Variants in NUBPL observed in about 807,000 individuals in gnomAD.
NUBPL encodes iron-sulfur cluster transfer protein NUBPL.
Under a neutral mutation model 45.7 loss-of-function variants are expected in NUBPL, and 31 were observed. The ratio of observed to expected loss-of-function variants is 0.68; its 90% CI spans 0.51 to 0.92. The LOEUF (loss-of-function observed/expected upper bound fraction) is 0.92. NUBPL is among the 40% of genes least tolerant of loss of function. NUBPL has a pLI of 0.00. For missense variants in NUBPL, 401 were observed against 398.7 expected (o/e 1.01, Z -0.05); for synonymous variants, 144 against 140.9 (o/e 1.02, Z -0.15).
chr14:31,836,702 G>A (rs549032811), intron 8 of NUBPL, among the ~76,000 whole-genome samples: 8 of 152,180 alleles, frequency 5.3e-5, no homozygotes, highest in Non-Finnish European at 1.2e-4. Flanking sequence ...TAATACCCAA[G>A]GCTTTCTTTT....
intron 9 of NUBPL, 49 bp from the exon 10 acceptor site, chr14:31,850,070 C>A: frequency 7.4e-7 from 1 of 1,349,960 alleles, no homozygotes; most frequent in Non-Finnish European, 1.1e-6. Context: ...ATTCAAAATG[C>A]CTATATGAAC....
At chr14:31,586,340 T>C (rs572411320) in intron 3 of NUBPL, among the ~76,000 whole-genome samples, 1 of 152,280 alleles carries the variant, frequency 6.6e-6, no homozygotes, top group Admixed American at 6.5e-5. Flanking sequence ...GAGAAATTAA[T>C]TCCAGTCGTT....
At chr14:31,777,485 C>A (rs2039117217) in intron 6 of NUBPL, among the ~76,000 whole-genome samples, 1 of 152,192 alleles carries the variant, frequency 6.6e-6, no homozygotes, top group Non-Finnish European at 1.5e-5. Flanking sequence ...TGAGTCGGCA[C>A]AATCCTAGTG....
chr14:31,823,171 T>G (rs949500264), intron 7 of NUBPL, among the ~76,000 whole-genome samples: 1 of 152,014 alleles, frequency 6.6e-6, no homozygotes, highest in African/African-American at 2.4e-5. Context: ...GTTCAAGGAG[T>G]TGCCAACTTA....
chr14:31,640,237 G>C (rs771839865), intron 4 of NUBPL, among the ~76,000 whole-genome samples: 1 of 151,958 alleles, frequency 6.6e-6, no homozygotes, highest in Non-Finnish European at 1.5e-5. Context: ...GCTGCCCTCC[G>C]ACAAAATCAG....
At chr14:31,690,865 C>T (rs1222115269) in intron 6 of NUBPL, among the ~76,000 whole-genome samples, 1 of 152,158 alleles carries the variant, frequency 6.6e-6, no homozygotes, top group East Asian at 1.9e-4. Flanking sequence ...GCTTCTGAAC[C>T]AGTGCCAGAC....
At chr14:31,801,355 C>T (rs938525987) in intron 7 of NUBPL, among the ~76,000 whole-genome samples, 6 of 152,080 alleles carry the variant, frequency 3.9e-5, no homozygotes, top group Non-Finnish European at 7.4e-5. Flanking sequence ...GTTTGAGGGG[C>T]ACAGAGGGAG....
At chr14:31,805,924 TG>T (rs1374626569) in intron 7 of NUBPL, among the ~76,000 whole-genome samples, 3 of 148,118 alleles carry the variant, frequency 2.0e-5, no homozygotes, top group Non-Finnish European at 3.0e-5. Flanking sequence ...TAAAAAATTT[TG>T]GGGGGCATTT....
At chr14:31,613,139 C>A (rs1335248015) in intron 4 of NUBPL, among the ~76,000 whole-genome samples, 1 of 152,240 alleles carries the variant, frequency 6.6e-6, no homozygotes, top group East Asian at 1.9e-4. Context: ...CTGTTATTTG[C>A]AACAACATGG....
At chr14:31,835,911 C>T (rs537468871) in intron 8 of NUBPL, among the ~76,000 whole-genome samples, 28 of 152,318 alleles carry the variant, frequency 1.8e-4, no homozygotes, top group Admixed American at 1.2e-3. Context: ...TTCCTCCTCA[C>T]TTTTTCTTAA....
intron 6 of NUBPL, among the ~76,000 whole-genome samples, chr14:31,774,586 A>G (rs1052604582): frequency 2.0e-5 from 3 of 152,224 alleles, no homozygotes; most frequent in Non-Finnish European, 2.9e-5. Context: ...GTCCTGAAAA[A>G]GACAAATTAC....
chr14:31,821,470 AT>A (rs2040017715), intron 7 of NUBPL, among the ~76,000 whole-genome samples: 1 of 152,220 alleles, frequency 6.6e-6, no homozygotes, highest in Non-Finnish European at 1.5e-5. Context: ...AGAAATTCAA[AT>A]CAAAACTACA....
intron 6 of NUBPL, among the ~76,000 whole-genome samples, chr14:31,785,839 A>T (rs2039274315): frequency 6.6e-6 from 1 of 151,950 alleles, no homozygotes; most frequent in East Asian, 1.9e-4. Flanking sequence ...GTTTGACCCA[A>T]TATCATCTAC....
chr14:31,623,667 C>T (rs1387122919), intron 4 of NUBPL, among the ~76,000 whole-genome samples: 2 of 152,188 alleles, frequency 1.3e-5, no homozygotes. Context: ...GAGGCCTGTC[C>T]AGTCACACAG....
intron 7 of NUBPL, among the ~76,000 whole-genome samples, chr14:31,805,994 A>G (rs1010965158): frequency 6.6e-6 from 1 of 152,216 alleles, no homozygotes; most frequent in African/African-American, 2.4e-5. Flanking sequence ...AGTGAAGAGT[A>G]TAATGACCAA....
At chr14:31,601,655 C>T (rs570158414) in intron 4 of NUBPL, among the ~76,000 whole-genome samples, 1 of 152,320 alleles carries the variant, frequency 6.6e-6, no homozygotes, top group South Asian at 2.1e-4. Context: ...CCATCACTGG[C>T]CATCAGAGAA....
intron 6 of NUBPL, among the ~76,000 whole-genome samples, chr14:31,708,175 G>A (rs540026081): frequency 8.2e-4 from 125 of 152,286 alleles, no homozygotes; most frequent in Middle Eastern, 3.4e-3. Flanking sequence ...TGACTGTTTG[G>A]TTTTTGTACT....
intron 7 of NUBPL, among the ~76,000 whole-genome samples, chr14:31,818,210 G>T (rs1269603856): frequency 6.6e-6 from 1 of 152,130 alleles, no homozygotes; most frequent in East Asian, 1.9e-4. Flanking sequence ...ATAATAGTGG[G>T]AGACTTTAGC....
At chr14:31,725,998 C>G (rs2037915155) in intron 6 of NUBPL, among the ~76,000 whole-genome samples, 1 of 152,092 alleles carries the variant, frequency 6.6e-6, no homozygotes, top group Non-Finnish European at 1.5e-5. Flanking sequence ...GTGTGAGCCA[C>G]CGTGCCTGGT....
Sources: allele counts gnomAD v4.1 joint callset (sites outside exome capture counted in the v4.1 genomes callset), GRCh38; gene constraint gnomAD v4.1.1; transcripts MANE v1.5; gene names NCBI Gene and HGNC (gene_info 2026-07-23, HGNC 2026-07-21).